TAF3: variants seen among roughly 807,000 people sequenced by gnomAD.
TAF3 encodes transcription initiation factor TFIID subunit 3.
TAF3 carries 7 observed loss-of-function variants against 80.6 expected under a neutral mutation model. That is an observed-to-expected ratio of 0.09 (90% CI 0.05 to 0.16). TAF3 has a LOEUF of 0.16. Ranked by LOEUF, TAF3 falls within the 10% of genes least tolerant of loss-of-function variation. TAF3 has a pLI of 1.00. For synonymous variants in TAF3, 444 were observed against 446.1 expected, an observed-to-expected ratio of 1.00 and a Z score of 0.06; for missense variants, 921 against 1,140.2, an observed-to-expected ratio of 0.81 and a Z score of 2.77.
intron 2 of TAF3, among the ~76,000 whole-genome samples, chr10:7,841,101 T>C (rs1836908398): frequency 6.6e-6 from 1 of 152,198 alleles, no homozygotes; most frequent in Non-Finnish European, 1.5e-5. Context: ...TCCGCCCACC[T>C]CGGCCTACCA....
chr10:7,826,907 A>G (rs1396241106), intron 2 of TAF3, among the ~76,000 whole-genome samples: 2 of 152,206 alleles, frequency 1.3e-5, no homozygotes, highest in Non-Finnish European at 2.9e-5. Context: ...TTAGTGGTGC[A>G]AAGTGAGGTA....
chr10:7,913,758 G>C lies in TAF3; in HGVS notation c.410-50162G>C, dbSNP rs1837679264. 2.6e-5 allele frequency among the ~76,000 whole-genome samples: 4 copies of C among 152,116 alleles called. No individual in the cohort carries two copies. In the South Asian group the frequency reaches 8.3e-4, roughly 31 times the overall value. On this transcript the variant is annotated intron_variant, in intron 2 of 6. Transcript: ENST00000344293. ...ACAGCAGATACTTGTGCCTCTTTAG[G>C]GATACAGTAAGAGGTATACTGCGTC...
At chr10:7,905,536 GA>G (rs1837600199) in intron 2 of TAF3, among the ~76,000 whole-genome samples, 1 of 152,114 alleles carries the variant, frequency 6.6e-6, no homozygotes, top group Non-Finnish European at 1.5e-5. Context: ...TGTTTTTAAT[GA>G]AATTTGCAAG....
chr10:7,937,540 AT>A (rs1291158341), intron 2 of TAF3, among the ~76,000 whole-genome samples: 1 of 152,032 alleles, frequency 6.6e-6, no homozygotes, highest in Non-Finnish European at 1.5e-5. Flanking sequence ...TGAATGGTTC[AT>A]TTTTTTGTTG....
At chr10:7,910,809 G>A (rs879599488) in intron 2 of TAF3, among the ~76,000 whole-genome samples, 1 of 152,198 alleles carries the variant, frequency 6.6e-6, no homozygotes, top group Admixed American at 6.5e-5. Context: ...TTTATTTATT[G>A]TATACTGAAT....
intron 2 of TAF3, among the ~76,000 whole-genome samples, chr10:7,950,010 A>G (rs1205040647): frequency 1.3e-5 from 2 of 152,226 alleles, no homozygotes; most frequent in Admixed American, 1.3e-4. Flanking sequence ...TCAATGATAC[A>G]TGGTGAAATC....
At chr10:7,934,815 G>A (rs1029292614) in intron 2 of TAF3, among the ~76,000 whole-genome samples, 1 of 152,112 alleles carries the variant, frequency 6.6e-6, no homozygotes, top group Non-Finnish European at 1.5e-5. Flanking sequence ...CATCAAATGC[G>A]ATCAGTTTAC....
Position 7,963,917 on chromosome 10 carries a change from C to T in TAF3, c.410-3C>T. 1 of 1,534,220 alleles carries T rather than the reference C, an allele frequency of 6.5e-7. No individual in the cohort carries two copies. Among genetic ancestry groups the T allele is most frequent in the South Asian group, 1.3e-5 (1 of 75,716 alleles). On this transcript the variant is annotated splice_region_variant and splice_polypyrimidine_tract_variant and intron_variant, in intron 2 of 6. Transcript: ENST00000344293. ...TTTTTCTTCCTTTTTCTTCCTTTAC[C>T]AGAAGAAGAAGAAGAGCAGGTGCCC...
At chr10:7,821,963 C>T (rs1176833436) in intron 1 of TAF3, among the ~76,000 whole-genome samples, 1 of 152,138 alleles carries the variant, frequency 6.6e-6, no homozygotes, top group Non-Finnish European at 1.5e-5. Flanking sequence ...AGGTGTTCAG[C>T]TCCCTATGCA....
intron 3 of TAF3, among the ~76,000 whole-genome samples, chr10:7,969,827 G>A (rs905922795): frequency 2.0e-5 from 3 of 152,112 alleles, no homozygotes; most frequent in South Asian, 2.1e-4. Context: ...CACACTGACC[G>A]GGGTGGAAAT....
chr10:7,928,713 G>A (rs115097774), intron 2 of TAF3, among the ~76,000 whole-genome samples: 1 of 152,116 alleles, frequency 6.6e-6, no homozygotes, highest in Non-Finnish European at 1.5e-5. Context: ...TACTCACGAT[G>A]ATCTAGGTAA....
At chr10:8,012,691 G>A (rs534277283) in intron 5 of TAF3, among the ~76,000 whole-genome samples, 1 of 152,268 alleles carries the variant, frequency 6.6e-6, no homozygotes, top group South Asian at 2.1e-4. Context: ...GATTTCTTTA[G>A]GAAGTTTTCC....
chr10:7,951,360 C>G (rs1257141379), intron 2 of TAF3, among the ~76,000 whole-genome samples: 1 of 152,196 alleles, frequency 6.6e-6, no homozygotes, highest in Non-Finnish European at 1.5e-5. Flanking sequence ...TGGGATCACC[C>G]ATACATTTAC....
intron 2 of TAF3, among the ~76,000 whole-genome samples, chr10:7,830,209 A>C (rs1403412672): frequency 6.6e-6 from 1 of 151,984 alleles, no homozygotes; most frequent in African/African-American, 2.4e-5. Context: ...GTGAACACCA[A>C]TTACTATCTA....
chr10:7,843,691 T>C (rs1176625553), intron 2 of TAF3, among the ~76,000 whole-genome samples: 2 of 151,626 alleles, frequency 1.3e-5, no homozygotes, highest in Non-Finnish European at 2.9e-5. Context: ...GATAATTGTG[T>C]TGCTTAATTA....
intron 2 of TAF3, among the ~76,000 whole-genome samples, chr10:7,927,448 A>ATT (rs1040876168): frequency 9.8e-5 from 15 of 152,322 alleles, no homozygotes; most frequent in African/African-American, 3.4e-4. Flanking sequence ...GTGGAAGAGA[A>ATT]TTTCCCAGCT....
intron 2 of TAF3, among the ~76,000 whole-genome samples, chr10:7,912,359 C>T (rs1837664647): frequency 6.6e-6 from 1 of 152,038 alleles, no homozygotes; most frequent in Non-Finnish European, 1.5e-5. Flanking sequence ...GTTGGCCCCG[C>T]AAAGCGCTGG....
chr10:7,900,284 A>G (rs1837545938), intron 2 of TAF3, among the ~76,000 whole-genome samples: 1 of 152,220 alleles, frequency 6.6e-6, no homozygotes, highest in Non-Finnish European at 1.5e-5. Context: ...AAGAATACAA[A>G]TAGTGTTTTG....
chr10:7,960,002 G>C (rs773821683), intron 2 of TAF3, among the ~76,000 whole-genome samples: 1 of 152,106 alleles, frequency 6.6e-6, no homozygotes, highest in Non-Finnish European at 1.5e-5. Context: ...AACACACACT[G>C]TTAGAGCTGA....
Sources: allele counts gnomAD v4.1 joint callset (sites outside exome capture counted in the v4.1 genomes callset), GRCh38; gene constraint gnomAD v4.1.1; transcripts MANE v1.5; gene names NCBI Gene and HGNC (gene_info 2026-07-23, HGNC 2026-07-21).